Variants in RBPMS2 observed in about 807,000 individuals in gnomAD.
RBPMS2 encodes the protein RNA binding protein, mRNA processing factor 2, also known as RNA-binding protein with multiple splicing 2.
In RBPMS2, 14 loss-of-function variants were observed where a neutral mutation model predicts 25.7. The ratio of observed to expected loss-of-function variants is 0.55; its 90% CI spans 0.36 to 0.85. The LOEUF (loss-of-function observed/expected upper bound fraction) is 0.85. Among genes scored for constraint, RBPMS2 ranks in the 40% least tolerant of loss-of-function variants. RBPMS2 has a pLI of 0.01. For synonymous variants in RBPMS2, 127 were observed against 115.6 expected (o/e 1.10, Z -0.63); for missense variants, 252 against 283.4 (o/e 0.89, Z 0.80).
chr15:64,763,521 T>C (rs1336229802), intron 1 of RBPMS2, among the ~76,000 whole-genome samples: 1 of 152,196 alleles, frequency 6.6e-6, no homozygotes, highest in Non-Finnish European at 1.5e-5. Flanking sequence ...CTATCCCTCT[T>C]GCCCCAAATC....
At chr15:64,762,205 G>A (rs1380266027) in intron 1 of RBPMS2, among the ~76,000 whole-genome samples, 4 of 152,090 alleles carry the variant, frequency 2.6e-5, no homozygotes, top group East Asian at 1.9e-4. Context: ...TGATGGTGGC[G>A]ATGGCAGGGG....
At chr15:64,744,760 T>TTA (rs2083598918) in intron 6 of RBPMS2, among the ~76,000 whole-genome samples, 4 of 149,226 alleles carry the variant, frequency 2.7e-5, no homozygotes, top group African/African-American at 1.0e-4. Context: ...CTATTATTTA[T>TTA]TTTAAGTCCT....
Position 64,749,029 on chromosome 15 carries a change from A to G in RBPMS2, c.389T>C (p.Leu130Pro). Residue 130 changes from leucine to proline, a missense_variant, in exon 5 of 8, where the codon CTA becomes CCA. By Grantham distance (98) the Leu-to-Pro change is moderately conservative. Coordinates refer to ENST00000300069, the MANE Select transcript of RBPMS2 (RefSeq NM_194272.3). ...GTCCCGTGCGATGAAGTGTGCTCCT[A>G]GGGCGGGGTGCACGTTGCTGGGATT... Reference protein sequence around the residue: ...TPNPSNVHPALGAHFIARDPY... With the variant: ...TPNPSNVHPAPGAHFIARDPY... 3 of 1,614,158 alleles carry G rather than the reference A, an allele frequency of 1.9e-6. No individual in the cohort carries two copies. Among genetic ancestry groups the G allele is most frequent in the Non-Finnish European group, 2.5e-6 (3 of 1,180,004 alleles).
At chr15:64,770,166 G>A (rs187072443) in intron 1 of RBPMS2, among the ~76,000 whole-genome samples, 122 of 152,000 alleles carry the variant, frequency 8.0e-4, no homozygotes, top group Non-Finnish European at 1.4e-3. Flanking sequence ...GTGACATGGC[G>A]AGACTCCGTC....
At chr15:64,759,050 C>G (rs1648894311) in intron 1 of RBPMS2, among the ~76,000 whole-genome samples, 2 of 152,138 alleles carry the variant, frequency 1.3e-5, no homozygotes, top group South Asian at 4.1e-4. Context: ...CCCAGCCTCC[C>G]AAAGCACTGG....
chr15:64,758,848 G>A (rs1008840053), intron 1 of RBPMS2, among the ~76,000 whole-genome samples: 2 of 152,182 alleles, frequency 1.3e-5, no homozygotes, highest in African/African-American at 4.8e-5. Flanking sequence ...CTCCTTTGGG[G>A]AGAAGGGCCT....
chr15:64,741,474 C>T (rs1298367548), intron 6 of RBPMS2, among the ~76,000 whole-genome samples: 1 of 152,200 alleles, frequency 6.6e-6, no homozygotes, highest in Non-Finnish European at 1.5e-5. Flanking sequence ...AGGAAAGTCA[C>T]GCAGGCGTCT....
chr15:64,748,498 G>A lies in RBPMS2; in HGVS notation c.488C>T (p.Thr163Ile), dbSNP rs2083640566. 2 of 1,613,598 alleles carry A rather than the reference G, an allele frequency of 1.2e-6. No individual in the cohort carries two copies. The highest frequency in any genetic ancestry group is 1.7e-6 in the Non-Finnish European group (2 of 1,179,820). ...ATGGGAGATGGCTGGGGTCAGCTCT[G>A]TGGTGTACAAAGGGTAGGGGGCCCA... ...EAWAPYPLYT[T>I]ELTPAISHAA... The change falls in exon 6 of 8, where the codon ACA (threonine) becomes ATA (isoleucine). Residue 163 changes from threonine (T) to isoleucine (I), a missense_variant. Physicochemically the swap from Thr to Ile is moderately conservative, Grantham distance 89. Transcript: ENST00000300069.
chr15:64,741,217 G>C lies in RBPMS2; in HGVS notation c.593C>G (p.Thr198Ser). The change falls in exon 7 of 8, where the codon ACC becomes AGC. Residue 198 changes from threonine to serine, a missense_variant. By Grantham distance (58) the Thr-to-Ser change is moderately conservative (BLOSUM62 1). Transcript: ENST00000300069. Reference protein sequence around the residue: ...AQVRWYPSSDTTQQGWKYRQF... With the variant: ...AQVRWYPSSDSTQQGWKYRQF... ...ACGGTACTTCCATCCTTGCTGGGTG[G>C]TGTCAGAGGAAGGGTACCAGCGCAC... 1 of 1,592,586 alleles carries C rather than the reference G, an allele frequency of 6.3e-7. No individual in the cohort carries two copies. Among genetic ancestry groups the C allele is most frequent in the South Asian group, 1.1e-5 (1 of 87,400 alleles).
rs376976582 is a variant in RBPMS2, at chr15:64,751,681, G to A, written c.88-43C>T. ...TGATCAGGGCCAGGCTGCCCAAGAC[G>A]GACAGGGATGACAACAGCGCTTCCT... On this transcript the variant is annotated intron_variant, in intron 1 of 7. Coordinates refer to ENST00000300069, the MANE Select transcript of RBPMS2 (RefSeq NM_194272.3). The A allele has an allele frequency of 4.3e-5, 66 of 1,528,212 alleles. No individual in the cohort carries two copies. The African/African-American group carries it at 6.3e-4, about 15-fold the overall frequency. 94.7% of individuals were successfully genotyped at this position (1,528,212 alleles called of 1,614,324 possible). A position where few individuals can be genotyped will look rare whatever the true frequency, so the allele number is the denominator to read the frequency against.
chr15:64,771,314 C>T (rs371708322), intron 1 of RBPMS2, among the ~76,000 whole-genome samples: 1 of 152,208 alleles, frequency 6.6e-6, no homozygotes, highest in Non-Finnish European at 1.5e-5. Context: ...ATATCTGAGG[C>T]GGATTGGTTC....
At chr15:64,742,626 G>A (rs1595783320) in intron 6 of RBPMS2, among the ~76,000 whole-genome samples, 1 of 152,250 alleles carries the variant, frequency 6.6e-6, no homozygotes, top group African/African-American at 2.4e-5. Context: ...GACAGGGAAA[G>A]GGGTGTGGCG....
chr15:64,756,099 A>G (rs1385433158), intron 1 of RBPMS2, among the ~76,000 whole-genome samples: 2 of 152,030 alleles, frequency 1.3e-5, no homozygotes, highest in Non-Finnish European at 2.9e-5. Context: ...CCATCTCCCA[A>G]TGTCCCTAGA....
At chr15:64,769,441 A>C (rs946777812) in intron 1 of RBPMS2, among the ~76,000 whole-genome samples, 2 of 138,922 alleles carry the variant, frequency 1.4e-5, no homozygotes, top group African/African-American at 5.9e-5. Context: ...AAAAAAAAAA[A>C]GAATTTAAAA....
chr15:64,775,196 G>A (rs1357587725), intron 1 of RBPMS2, 37 bp downstream of exon 1: 2 of 1,169,922 alleles, frequency 1.7e-6, no homozygotes, highest in East Asian at 3.6e-5. Context: ...CGCCTGGCGT[G>A]CGCTTCACCC....
intron 6 of RBPMS2, among the ~76,000 whole-genome samples, chr15:64,747,236 A>T (rs1665413478): frequency 6.6e-6 from 1 of 152,104 alleles, no homozygotes; most frequent in Non-Finnish European, 1.5e-5. Context: ...GCAGCCCCTG[A>T]ATCTGAACTT....
At chr15:64,766,168 T>C (rs1364044712) in intron 1 of RBPMS2, among the ~76,000 whole-genome samples, 2 of 151,902 alleles carry the variant, frequency 1.3e-5, no homozygotes, top group Non-Finnish European at 2.9e-5. Flanking sequence ...TCCTTGGAGG[T>C]TGGAGGTGGC....
intron 1 of RBPMS2, among the ~76,000 whole-genome samples, chr15:64,759,875 G>C (rs1168727259): frequency 6.6e-6 from 1 of 152,190 alleles, no homozygotes; most frequent in African/African-American, 2.4e-5. Flanking sequence ...GTTCCGCCAT[G>C]TTGGCCAGGA....
At chr15:64,754,621 A>G (rs112871742) in intron 1 of RBPMS2, among the ~76,000 whole-genome samples, 83 of 150,352 alleles carry the variant, frequency 5.5e-4, no homozygotes, top group African/African-American at 2.0e-3. Context: ...CAAAAAAAAA[A>G]CCCAAAACCC....
Sources: gnomAD v4.1 joint callset for allele counts (sites outside exome capture counted in the v4.1 genomes callset) on GRCh38, gnomAD v4.1.1 for gene constraint, MANE v1.5 for transcripts, NCBI Gene and HGNC (gene_info 2026-07-23, HGNC 2026-07-21) for gene names.